Variants in OXR1 observed in about 807,000 individuals in gnomAD.
The protein encoded by OXR1 is oxidation resistance protein 1.
In OXR1, 41 loss-of-function variants were observed where a neutral mutation model predicts 104.6. That is an observed-to-expected ratio of 0.39 (90% CI 0.31 to 0.51). The LOEUF (loss-of-function observed/expected upper bound fraction) is 0.51. Ranked by LOEUF, OXR1 falls within the 20% of genes least tolerant of loss-of-function variation. OXR1 has a pLI of 0.77. For synonymous variants in OXR1, 348 were observed against 348.4 expected (o/e 1.00, Z 0.01); for missense variants, 955 against 1,031.9 (o/e 0.93, Z 1.02).
At chr8:106,519,540 G>A (rs1049737701) in intron 3 of OXR1, among the ~76,000 whole-genome samples, 1 of 152,048 alleles carries the variant, frequency 6.6e-6, no homozygotes, top group Non-Finnish European at 1.5e-5. Flanking sequence ...CAGGCTCCCA[G>A]GTCTCTGAAC....
intron 1 of OXR1, among the ~76,000 whole-genome samples, chr8:106,323,520 T>A (rs1814321320): frequency 6.6e-6 from 1 of 152,092 alleles, no homozygotes; most frequent in African/African-American, 2.4e-5. Flanking sequence ...TGGGATTTAA[T>A]TAAACTTAAG....
chr8:106,651,179 T>A (rs1824538863), intron 3 of OXR1, among the ~76,000 whole-genome samples: 1 of 152,210 alleles, frequency 6.6e-6, no homozygotes, highest in Admixed American at 6.5e-5. Flanking sequence ...AGTGGTAGTT[T>A]CCACCCACTG....
At chr8:106,302,725 C>T (rs1457027954) in intron 1 of OXR1, among the ~76,000 whole-genome samples, 1 of 151,686 alleles carries the variant, frequency 6.6e-6, no homozygotes, top group East Asian at 1.9e-4. Flanking sequence ...AAGGGAAAAA[C>T]AAGCATACCT....
At chr8:106,412,383 G>A (rs1224806816) in intron 2 of OXR1, among the ~76,000 whole-genome samples, 1 of 152,132 alleles carries the variant, frequency 6.6e-6, no homozygotes, top group African/African-American at 2.4e-5. Context: ...AAACTGGGCT[G>A]TAAATATAAA....
chr8:106,529,835 T>C (rs1012803101), intron 3 of OXR1, among the ~76,000 whole-genome samples: 5 of 152,214 alleles, frequency 3.3e-5, no homozygotes, highest in African/African-American at 1.2e-4. Context: ...GTCAATTTAT[T>C]TAATGATTTC....
chr8:106,482,676 C>T (rs570042711), intron 2 of OXR1, among the ~76,000 whole-genome samples: 1 of 151,974 alleles, frequency 6.6e-6, no homozygotes, highest in African/African-American at 2.4e-5. Flanking sequence ...GTTTGATGAG[C>T]ATCAGATATC....
At chr8:106,676,693 C>T (rs1042148964) in intron 3 of OXR1, among the ~76,000 whole-genome samples, 1 of 151,968 alleles carries the variant, frequency 6.6e-6, no homozygotes, top group Non-Finnish European at 1.5e-5. Context: ...TGTAGGTGAC[C>T]TGGCCTTTTT....
chr8:106,687,490 G>A (rs1404369981), intron 6 of OXR1, among the ~76,000 whole-genome samples: 2 of 152,132 alleles, frequency 1.3e-5, no homozygotes, highest in Non-Finnish European at 2.9e-5. Flanking sequence ...GGAGGCCGAG[G>A]CAGGCAGATC....
chr8:106,711,940 G>A (rs1241018744), intron 10 of OXR1, among the ~76,000 whole-genome samples: 4 of 152,064 alleles, frequency 2.6e-5, no homozygotes, highest in Admixed American at 6.6e-5. Flanking sequence ...CTGAGCAAAG[G>A]TATTACACAT....
intron 3 of OXR1, among the ~76,000 whole-genome samples, chr8:106,625,932 C>T (rs1822112628): frequency 1.3e-5 from 2 of 151,750 alleles, no homozygotes; most frequent in Non-Finnish European, 2.9e-5. Context: ...ATTTTTTTCT[C>T]TATATGCTTA....
chr8:106,481,060 A>G (rs1007250573), intron 2 of OXR1, among the ~76,000 whole-genome samples: 9 of 152,078 alleles, frequency 5.9e-5, no homozygotes, highest in African/African-American at 2.2e-4. Flanking sequence ...ACCAGGTAAT[A>G]GCTAGAACTA....
chr8:106,583,011 T>G (rs2130642384), intron 3 of OXR1, among the ~76,000 whole-genome samples: 1 of 152,336 alleles, frequency 6.6e-6, no homozygotes, highest in South Asian at 2.1e-4. Flanking sequence ...GGTTATGCTA[T>G]TTTAAACTTA....
chr8:106,483,079 G>T (rs1379289296), intron 2 of OXR1, among the ~76,000 whole-genome samples: 1 of 151,828 alleles, frequency 6.6e-6, no homozygotes, highest in African/African-American at 2.4e-5. Flanking sequence ...AACCATTAGG[G>T]GAAAAGAAAT....
chr8:106,401,514 G>T (rs1331199481), intron 2 of OXR1, among the ~76,000 whole-genome samples: 2 of 152,150 alleles, frequency 1.3e-5, no homozygotes, highest in East Asian at 3.8e-4. Flanking sequence ...AATTTTAAGG[G>T]CCTGCACTGT....
chr8:106,693,005 T>G (rs1342463440), intron 7 of OXR1, 128 bp downstream of exon 7: 1 of 575,994 alleles, frequency 1.7e-6, no homozygotes, highest in East Asian at 3.1e-5. Flanking sequence ...AAGGTACTAG[T>G]GATACTATTA....
chr8:106,704,082 T>C (rs1830865001), intron 8 of OXR1, among the ~76,000 whole-genome samples: 1 of 152,108 alleles, frequency 6.6e-6, no homozygotes, highest in Non-Finnish European at 1.5e-5. Context: ...CTCAAAAGTC[T>C]CCACTGTACC....
chr8:106,312,382 C>T (rs1054803142), intron 1 of OXR1, among the ~76,000 whole-genome samples: 8 of 152,174 alleles, frequency 5.3e-5, no homozygotes, highest in East Asian at 1.9e-4. Context: ...GGCTGGCTTC[C>T]GCCAGAGTGA....
At chr8:106,625,266 A>C (rs1259584112) in intron 3 of OXR1, among the ~76,000 whole-genome samples, 31 of 152,138 alleles carry the variant, frequency 2.0e-4, no homozygotes, top group Admixed American at 2.0e-3. Context: ...AGCTGGGAGC[A>C]GTCGTGTGTA....
At chr8:106,507,427 T>C (rs990069758) in intron 2 of OXR1, among the ~76,000 whole-genome samples, 3 of 152,230 alleles carry the variant, frequency 2.0e-5, no homozygotes, top group Non-Finnish European at 2.9e-5. Flanking sequence ...GTCTTAACCC[T>C]TGTGCTATTC....
Sources: allele counts gnomAD v4.1 joint callset (sites outside exome capture counted in the v4.1 genomes callset), GRCh38; gene constraint gnomAD v4.1.1; transcripts MANE v1.5; gene names NCBI Gene and HGNC (gene_info 2026-07-23, HGNC 2026-07-21).